MAD1L1: variants seen among roughly 807,000 people sequenced by gnomAD.
MAD1L1 encodes mitotic spindle assembly checkpoint protein MAD1.
MAD1L1 carries 95 observed loss-of-function variants against 96.9 expected under a neutral mutation model. That is an observed-to-expected ratio of 0.98 (90% CI 0.83 to 1.16). The LOEUF (loss-of-function observed/expected upper bound fraction) is 1.16, where lower values mean the gene tolerates loss of function less well. Among genes scored for constraint, MAD1L1 ranks in the 50% most tolerant of loss-of-function variants. MAD1L1 has a pLI of 0.00. For synonymous variants in MAD1L1, 473 were observed against 396.6 expected (o/e 1.19, Z -2.29); for missense variants, 1,007 against 954.4 (o/e 1.06, Z -0.73).
At chr7:2,136,542 G>A (rs1287849174) in intron 11 of MAD1L1, among the ~76,000 whole-genome samples, 1 of 152,244 alleles carries the variant, frequency 6.6e-6, no homozygotes, top group Non-Finnish European at 1.5e-5. Flanking sequence ...ACCAACTCGA[G>A]CTCAGGATGC....
chr7:1,990,015 C>T (rs966551826), intron 14 of MAD1L1, among the ~76,000 whole-genome samples: 1 of 152,232 alleles, frequency 6.6e-6, no homozygotes, highest in East Asian at 1.9e-4. Context: ...ATGCCACAAA[C>T]TAATAACAAG....
chr7:1,946,500 A>C (rs1779234940), intron 16 of MAD1L1, among the ~76,000 whole-genome samples: 1 of 152,218 alleles, frequency 6.6e-6, no homozygotes, highest in Non-Finnish European at 1.5e-5. Context: ...AGCTGAGAAA[A>C]CTGTTGAGAC....
chr7:2,080,627 G>A (rs1034958265), intron 11 of MAD1L1, among the ~76,000 whole-genome samples: 1 of 147,628 alleles, frequency 6.8e-6, no homozygotes, highest in Non-Finnish European at 1.5e-5. Flanking sequence ...AGGACTCAAA[G>A]AACAGCGCTG....
chr7:2,154,374 T>G (rs979308387), intron 10 of MAD1L1, among the ~76,000 whole-genome samples: 3 of 152,192 alleles, frequency 2.0e-5, no homozygotes, highest in African/African-American at 7.2e-5. Flanking sequence ...GTTGAGTTAA[T>G]GGGTACGAAC....
chr7:2,122,769 G>A (rs554007476), intron 11 of MAD1L1, among the ~76,000 whole-genome samples: 7 of 152,314 alleles, frequency 4.6e-5, no homozygotes, highest in African/African-American at 7.2e-5. Context: ...GCAGGTGCAC[G>A]GGTGAAGGGT....
chr7:1,816,290 CT>C lies in MAD1L1; in HGVS notation c.1999-63del. On this transcript the variant is annotated intron_variant, in intron 18 of 18. Coordinates refer to ENST00000265854, the MANE Select transcript of MAD1L1 (RefSeq NM_001013836.2). Reference sequence around the variant, plus strand: ...AGCCCGACAGGCCTCTCCCTCTCCCCTCCCTCCCTACACAGCCCCTCCAGCC... The same window carrying C: ...AGCCCGACAGGCCTCTCCCTCTCCCCCCCTCCCTACACAGCCCCTCCAGCC... 2.7e-6 allele frequency: 4 copies of C among 1,486,486 alleles called. 1 individual carries two copies. In the South Asian group the frequency reaches 4.9e-5, roughly 18 times the overall value. The allele number at this position is 1,486,486 out of a possible 1,614,324, so 92.1% of individuals were successfully genotyped here.
intron 16 of MAD1L1, among the ~76,000 whole-genome samples, chr7:1,943,786 A>G (rs1167928747): frequency 6.6e-6 from 1 of 151,958 alleles, no homozygotes; most frequent in Non-Finnish European, 1.5e-5. Context: ...GTGAATGTTC[A>G]GGGCAGCTGT....
At chr7:2,073,351 G>A (rs768854919) in intron 11 of MAD1L1, among the ~76,000 whole-genome samples, 8 of 152,252 alleles carry the variant, frequency 5.3e-5, no homozygotes, top group Non-Finnish European at 8.8e-5. Flanking sequence ...CTGCAGGAGT[G>A]CTGTGGCCTG....
intron 11 of MAD1L1, among the ~76,000 whole-genome samples, chr7:2,070,291 C>G (rs1046510666): frequency 6.6e-6 from 1 of 152,220 alleles, no homozygotes; most frequent in Non-Finnish European, 1.5e-5. Flanking sequence ...AGGACTCCAC[C>G]TCCTCACGGG....
In MAD1L1 at chr7:1,978,051, C is replaced by A. The variant is rs990003732; in HGVS notation, c.1505+2402G>T. Among the ~76,000 whole-genome samples, 4 of 152,256 alleles carry A rather than the reference C, an allele frequency of 2.6e-5. No homozygotes were observed. In the East Asian group the frequency reaches 5.8e-4, roughly 22 times the overall value. ...CACACCAGCCCAGACCTTCCCGATG[C>A]GCTGCTGTGCACGGCCTCTCCCCCT... is the stretch of plus-strand genomic sequence containing the variant. On this transcript the variant is annotated intron_variant, in intron 15 of 18. Coordinates refer to ENST00000265854, the MANE Select transcript of MAD1L1 (RefSeq NM_001013836.2).
intron 10 of MAD1L1, among the ~76,000 whole-genome samples, chr7:2,163,080 G>C (rs1162704973): frequency 6.6e-6 from 1 of 152,140 alleles, no homozygotes; most frequent in Non-Finnish European, 1.5e-5. Context: ...CAGAAACATT[G>C]CTCTACACAT....
intron 12 of MAD1L1, among the ~76,000 whole-genome samples, chr7:2,042,102 C>A (rs539956010): frequency 1.8e-4 from 27 of 147,206 alleles, no homozygotes; most frequent in African/African-American, 6.5e-4. Context: ...CACACACGCA[C>A]ATGTGCACAC....
chr7:2,000,804 G>C (rs1781759108), intron 14 of MAD1L1, among the ~76,000 whole-genome samples: 1 of 152,234 alleles, frequency 6.6e-6, no homozygotes. Flanking sequence ...GACAGCTGTT[G>C]CCAGCCCACC....
chr7:2,009,227 T>C (rs1365955662), intron 13 of MAD1L1, among the ~76,000 whole-genome samples: 2 of 152,022 alleles, frequency 1.3e-5, no homozygotes, highest in Non-Finnish European at 2.9e-5. Flanking sequence ...TATCCTGAGG[T>C]GAGAAGTTGC....
intron 10 of MAD1L1, among the ~76,000 whole-genome samples, chr7:2,171,925 G>C (rs562668662): frequency 1.3e-5 from 2 of 152,266 alleles, no homozygotes; most frequent in South Asian, 4.1e-4. Flanking sequence ...CATCTGGAGG[G>C]TCCCTGGGAT....
intron 18 of MAD1L1, among the ~76,000 whole-genome samples, chr7:1,841,565 G>A (rs1277203385): frequency 6.6e-6 from 1 of 152,210 alleles, no homozygotes; most frequent in Non-Finnish European, 1.5e-5. Flanking sequence ...CGTCACTCAC[G>A]AGACAGAAGC....
At chr7:1,830,003 G>C (rs1782627814) in intron 18 of MAD1L1, among the ~76,000 whole-genome samples, 1 of 152,142 alleles carries the variant, frequency 6.6e-6, no homozygotes, top group African/African-American at 2.4e-5. Context: ...ACTTCTTCAG[G>C]TGTGCAAGAG....
At chr7:2,153,391 G>A (rs1018816447) in intron 10 of MAD1L1, among the ~76,000 whole-genome samples, 1 of 152,076 alleles carries the variant, frequency 6.6e-6, no homozygotes, top group African/African-American at 2.4e-5. Context: ...AGGACACAAA[G>A]AGACATTTCT....
intron 18 of MAD1L1, among the ~76,000 whole-genome samples, chr7:1,864,364 T>G (rs914808445): frequency 6.6e-6 from 1 of 152,222 alleles, no homozygotes; most frequent in South Asian, 2.1e-4. Flanking sequence ...TCGGGGGAAC[T>G]TGCCTTTGGC....
Sources: gnomAD v4.1 joint callset for allele counts (sites outside exome capture counted in the v4.1 genomes callset) on GRCh38, gnomAD v4.1.1 for gene constraint, MANE v1.5 for transcripts, NCBI Gene and HGNC (gene_info 2026-07-23, HGNC 2026-07-21) for gene names.